The following DBH variants were observed in gnomAD, a reference collection of about 807,000 sequenced individuals.
DBH encodes dopamine beta-hydroxylase (dopamine beta-monooxygenase).
In DBH, 49 loss-of-function variants were observed where a neutral mutation model predicts 64.0. The ratio of observed to expected loss-of-function variants is 0.77; its 90% CI spans 0.61 to 0.97. The LOEUF (loss-of-function observed/expected upper bound fraction) is 0.97, where lower values mean the gene tolerates loss of function less well. Ranked by LOEUF, DBH falls within the 50% of genes least tolerant of loss-of-function variation. DBH has a pLI of 0.00. For synonymous variants in DBH, 343 were observed against 347.1 expected, an observed-to-expected ratio of 0.99 and a Z score of 0.13; for missense variants, 828 against 826.6, an observed-to-expected ratio of 1.00 and a Z score of -0.02.
At chr9:133,645,241 GT>G (rs3081166) in intron 5 of DBH, among the ~76,000 whole-genome samples, 28,077 of 147,222 alleles carry the variant, frequency 0.19, 3,352 homozygotes, top group African/African-American at 0.35. Flanking sequence ...GTCGCCTGTG[GT>G]TTTTTTTTTT....
At chr9:133,652,431 G>A (rs1832262502) in intron 8 of DBH, 147 bp downstream of exon 8, 1 of 950,332 alleles carries the variant, frequency 1.1e-6, no homozygotes, top group Non-Finnish European at 1.6e-6. Context: ...GCCTGTGGGT[G>A]GCTCTGGGCT....
chr9:133,653,900 G>A (rs553002022), intron 9 of DBH, among the ~76,000 whole-genome samples: 75 of 152,314 alleles, frequency 4.9e-4, no homozygotes, highest in East Asian at 3.9e-4. Flanking sequence ...CAGTGGATCC[G>A]TGCCAGCTGC....
intron 2 of DBH, 126 bp from the exon 3 acceptor site, chr9:133,642,081 T>G: frequency 7.4e-7 from 1 of 1,348,556 alleles, no homozygotes; most frequent in Non-Finnish European, 1.0e-6. Flanking sequence ...GGGTCCCTTA[T>G]TCACAGAGAT....
intron 9 of DBH, among the ~76,000 whole-genome samples, chr9:133,654,275 T>C (rs986666885): frequency 1.3e-5 from 2 of 152,098 alleles, no homozygotes; most frequent in African/African-American, 4.8e-5. Flanking sequence ...GGCTAATTTT[T>C]GTATTTTTAG....
rs747612165 is a variant in DBH, at chr9:133,651,720, G to A, written c.1278G>A (p.Arg426=). ...TGRKVVTVLV[R]DGREWEIVNQ... ...GAAAGGTGGTCACAGTGCTGGTCCGGGACGGCCGGGAGTGGGAGATCGTGA... is the reference window on the plus strand; with the variant it reads ...GAAAGGTGGTCACAGTGCTGGTCCGAGACGGCCGGGAGTGGGAGATCGTGA... Residue 426 remains arginine (R), a synonymous_variant, in exon 7 of 12, where the codon CGG becomes CGA. Transcript: ENST00000393056. The A allele has an allele frequency of 1.9e-6, 3 of 1,613,914 alleles. No homozygotes were observed. Among genetic ancestry groups the A allele is most frequent in the Admixed American group, 3.3e-5 (2 of 60,022 alleles).
rs1564209076 is a variant in DBH, at chr9:133,642,364, A to G, written c.644A>G (p.Glu215Gly). 6 of 1,614,070 alleles carry G rather than the reference A, an allele frequency of 3.7e-6. No individual in the cohort carries two copies. The highest frequency in any genetic ancestry group is 2.2e-5 in the East Asian group (1 of 44,860). The change falls in exon 3 of 12, where the codon GAG (glutamate) becomes GGG (glycine). Residue 215 changes from glutamate (E) to glycine (G), a missense_variant. By Grantham distance (98) the Glu-to-Gly change is moderately conservative. Transcript: ENST00000393056. ...TTGCCCTCAGACGCGTGCACCATGG[A>G]GGTCCAAGCTCCCAATATCCAGATC... ...PELPSDACTM[E>G]VQAPNIQIPS...
rs761504782 is a variant in DBH, at chr9:133,656,650, G to A, written c.1562G>A (p.Arg521Lys). The change falls in exon 10 of 12, where the codon AGG (arginine) becomes AAG (lysine). Residue 521 changes from arginine (R) to lysine (K), a missense_variant and splice_region_variant. Coordinates refer to ENST00000393056, the MANE Select transcript of DBH (RefSeq NM_000787.4). Reference sequence around the variant, plus strand: ...CAGAAGTACTTCCACCTCATCAACAGGTGAGGGCTCCCTGCACAAGCTCCC... The same window carrying A: ...CAGAAGTACTTCCACCTCATCAACAAGTGAGGGCTCCCTGCACAAGCTCCC... ...FLQKYFHLINRFNNEDVCTCP... is the reference protein window; with the variant it reads ...FLQKYFHLINKFNNEDVCTCP... 2 of 1,612,000 alleles carry A rather than the reference G, an allele frequency of 1.2e-6. No homozygotes were observed. Among genetic ancestry groups the A allele is most frequent in the South Asian group, 2.2e-5 (2 of 91,046 alleles).
chr9:133,650,310 CT>C (rs1164827949), intron 6 of DBH, among the ~76,000 whole-genome samples: 1 of 152,174 alleles, frequency 6.6e-6, no homozygotes, highest in African/African-American at 2.4e-5. Context: ...CTGTCGGGAC[CT>C]TGAGCTCTGG....
chr9:133,653,226 C>T (rs1262744800), intron 9 of DBH, among the ~76,000 whole-genome samples: 2 of 152,122 alleles, frequency 1.3e-5, no homozygotes, highest in African/African-American at 2.4e-5. Flanking sequence ...GAGACACAGG[C>T]GGTGGCATCG....
Position 133,658,534 on chromosome 9 carries a change from G to A in DBH, c.*87G>A. ...ACTCTACTCTGCGACGATCCCCATG[G>A]AACAGCCCTGCACGCCCAGGATGAA... On this transcript the variant is annotated 3_prime_UTR_variant, in exon 12 of 12. Coordinates refer to ENST00000393056, the MANE Select transcript of DBH (RefSeq NM_000787.4). 1 of 1,414,130 alleles carries A rather than the reference G, an allele frequency of 7.1e-7. No homozygotes were observed. Among genetic ancestry groups the A allele is most frequent in the South Asian group, 1.5e-5 (1 of 67,406 alleles). 87.6% of individuals were successfully genotyped at this position (1,414,130 alleles called of 1,614,324 possible).
chr9:133,645,273 T>TA (rs1832169902), intron 5 of DBH, among the ~76,000 whole-genome samples: 1 of 150,808 alleles, frequency 6.6e-6, no homozygotes, highest in Admixed American at 6.6e-5. Context: ...GCATAAGTAA[T>TA]ACCTTCCGCC....
At chr9:133,657,444 AGAGAGAGGAGAGAGGGAGAGG>A in intron 11 of DBH, 1 of 386,900 alleles carries the variant, frequency 2.6e-6, no homozygotes, top group Non-Finnish European at 4.7e-6. Context: ...GAGAGAGAGG[AGAGAGAGGAGAGAGGGAGAGG>A]GAGAGAGGGA....
chr9:133,647,870 G>A lies in DBH; in HGVS notation c.1049G>A (p.Arg350His), dbSNP rs202213535. The change falls in exon 6 of 12, where the codon CGC becomes CAC. Residue 350 changes from arginine (R) to histidine (H), a missense_variant. Physicochemically the swap from Arg to His is conservative, Grantham distance 29. Coordinates refer to ENST00000393056, the MANE Select transcript of DBH (RefSeq NM_000787.4). Reference protein sequence around the residue: ...IEGRNDSSGIRLYYTAKLRRF... With the variant: ...IEGRNDSSGIHLYYTAKLRRF... ...GGACGAAACGACTCCTCAGGCATCC[G>A]CTTGTACTACACAGCCAAGCTGCGG... The A allele has an allele frequency of 5.0e-6, 8 of 1,614,194 alleles. No homozygotes were observed. The highest frequency in any genetic ancestry group is 4.5e-5 in the East Asian group (2 of 44,882).
intron 10 of DBH, 88 bp downstream of exon 10, chr9:133,656,738 G>A: frequency 6.5e-7 from 1 of 1,527,588 alleles, no homozygotes. Context: ...GATTGGAGGA[G>A]TCCAGGCTAA....
intron 5 of DBH, 62 bp from the exon 6 acceptor site, chr9:133,647,784 G>C: frequency 6.3e-7 from 1 of 1,599,936 alleles, no homozygotes; most frequent in Non-Finnish European, 8.6e-7. Flanking sequence ...TAATCTGTCC[G>C]CAGGGGGAAG....
chr9:133,657,165 A>G lies in DBH; in HGVS notation c.1658A>G (p.Lys553Arg), dbSNP rs1490399984. 2 of 1,614,082 alleles carry G rather than the reference A, an allele frequency of 1.2e-6. No homozygotes were observed. Among genetic ancestry groups the G allele is most frequent in the Non-Finnish European group, 1.7e-6 (2 of 1,180,016 alleles). ...PWNSFNRDVL[K>R]ALYSFAPISM... ...AACTCCTTCAACCGCGACGTACTGA[A>G]GGCCCTGTACAGCTTCGCGCCCATC... is the stretch of plus-strand genomic sequence containing the variant. The change falls in exon 11 of 12, where the codon AAG (lysine) becomes AGG (arginine). Residue 553 changes from lysine to arginine, a missense_variant. Physicochemically the swap from Lys to Arg is conservative, Grantham distance 26. Coordinates refer to ENST00000393056, the MANE Select transcript of DBH (RefSeq NM_000787.4).
chr9:133,642,170 T>C, intron 2 of DBH, 37 bp from the exon 3 acceptor site: 1 of 1,609,766 alleles, frequency 6.2e-7, no homozygotes, highest in Non-Finnish European at 8.5e-7. Context: ...CTGGGGGCTC[T>C]GAGAGGGCGA....
chr9:133,647,393 T>C (rs2797853), intron 5 of DBH, among the ~76,000 whole-genome samples: 117,047 of 152,138 alleles, frequency 0.77, 46,200 homozygotes, highest in East Asian at 1. Flanking sequence ...TGTCACCGTC[T>C]TGCAGGCTGA....
Position 133,652,249 on chromosome 9 carries a change from A to C in DBH, c.1339A>C (p.Ile447Leu), listed in dbSNP as rs1278057691. 1 of 1,613,810 alleles carries C rather than the reference A, an allele frequency of 6.2e-7. No homozygotes were observed. Among genetic ancestry groups the C allele is most frequent in the South Asian group, 1.1e-5 (1 of 91,080 alleles). The change falls in exon 8 of 12, where the codon ATC becomes CTC. Residue 447 changes from isoleucine (I) to leucine (L), a missense_variant. Physicochemically the swap from Ile to Leu is conservative, Grantham distance 5. Coordinates refer to ENST00000393056, the MANE Select transcript of DBH (RefSeq NM_000787.4). The part of the protein sequence containing the change: ...DNHYSPHFQE[I>L]RMLKKVVSVH... ...CCCTCGGCTCTGCCTGCCCCAGGAG[A>C]TCCGCATGTTGAAGAAGGTCGTGTC...
Sources: gnomAD v4.1 joint callset for allele counts (sites outside exome capture counted in the v4.1 genomes callset) on GRCh38, gnomAD v4.1.1 for gene constraint, MANE v1.5 for transcripts, NCBI Gene and HGNC (gene_info 2026-07-23, HGNC 2026-07-21) for gene names.